Variants in ERC1 observed in about 807,000 individuals in gnomAD.
ERC1 encodes the protein RAB6 interacting protein 2.
Under a neutral mutation model 132.0 loss-of-function variants are expected in ERC1, and 56 were observed. The ratio of observed to expected loss-of-function variants is 0.42; its 90% CI spans 0.34 to 0.53. The LOEUF (loss-of-function observed/expected upper bound fraction) is 0.53. Among genes scored for constraint, ERC1 ranks in the 20% least tolerant of loss-of-function variants. ERC1 has a pLI of 0.03. For missense variants in ERC1, 1,202 were observed against 1,349.9 expected (o/e 0.89, Z 1.72); for synonymous variants, 478 against 476.1 (o/e 1.00, Z -0.05).
intron 18 of ERC1, among the ~76,000 whole-genome samples, chr12:1,451,977 A>C (rs565516442): frequency 6.6e-6 from 1 of 152,362 alleles, no homozygotes; most frequent in Admixed American, 6.5e-5. Flanking sequence ...GGGCAAAGCA[A>C]GAAGGTGGCC....
intron 15 of ERC1, among the ~76,000 whole-genome samples, chr12:1,346,902 A>C (rs1418157138): frequency 6.8e-6 from 1 of 146,682 alleles, no homozygotes; most frequent in African/African-American, 2.6e-5. Flanking sequence ...AGATTGCGCC[A>C]CTGCAGTCCG....
rs536358299 is a variant in ERC1, at chr12:1,370,657, C to CT, written c.2781-1171dup. 3.3e-5 allele frequency among the ~76,000 whole-genome samples: 5 copies of CT among 152,268 alleles called. No individual in the cohort carries two copies. In the East Asian group the frequency reaches 9.6e-4, roughly 29 times the overall value. On this transcript the variant is annotated intron_variant, in intron 15 of 18. Coordinates refer to ENST00000360905, the MANE Select transcript of ERC1 (RefSeq NM_178040.4). ...AAATTCAACTACAACTATAGGAACTCTTTTTAAAATATAAAATGAAATACT... is the reference window on the plus strand; with the variant it reads ...AAATTCAACTACAACTATAGGAACTCTTTTTTAAAATATAAAATGAAATACT...
chr12:1,035,354 A>C (rs1467903718), intron 2 of ERC1, among the ~76,000 whole-genome samples: 1 of 152,176 alleles, frequency 6.6e-6, no homozygotes, highest in Non-Finnish European at 1.5e-5. Context: ...ATTAGATGTA[A>C]AGACGCATTT....
At chr12:1,294,834 A>G (rs867533907) in intron 15 of ERC1, among the ~76,000 whole-genome samples, 7 of 152,096 alleles carry the variant, frequency 4.6e-5, no homozygotes, top group Middle Eastern at 3.4e-3. Flanking sequence ...TTTTCCTTTC[A>G]GGACCATCTT....
chr12:1,479,996 A>G (rs754633670), intron 18 of ERC1, among the ~76,000 whole-genome samples: 1 of 151,878 alleles, frequency 6.6e-6, no homozygotes, highest in Admixed American at 6.6e-5. Context: ...AGCATGTTCC[A>G]TTTTCTCTAC....
chr12:1,025,079 G>A (rs1966843105), intron 1 of ERC1, among the ~76,000 whole-genome samples: 1 of 152,152 alleles, frequency 6.6e-6, no homozygotes, highest in African/African-American at 2.4e-5. Context: ...GTCTGGGGCA[G>A]TCTTGGATAT....
At chr12:1,394,046 C>CAAAAAAAAAAAAAAAAAAA (rs1555389413) in intron 16 of ERC1, among the ~76,000 whole-genome samples, 2 of 70,808 alleles carry the variant, frequency 2.8e-5, no homozygotes, top group African/African-American at 1.0e-4. Flanking sequence ...AAAAAAAAAC[C>CAAAAAAAAAAAAAAAAAAA]ACAAAGCATT....
chr12:1,025,256 G>A (rs932706160), intron 1 of ERC1, among the ~76,000 whole-genome samples: 3 of 152,082 alleles, frequency 2.0e-5, no homozygotes, highest in African/African-American at 7.2e-5. Flanking sequence ...TCTAAGTTGA[G>A]CTAAAGCCTC....
intron 8 of ERC1, among the ~76,000 whole-genome samples, chr12:1,144,436 T>G (rs1373138454): frequency 1.3e-5 from 2 of 152,028 alleles, no homozygotes; most frequent in African/African-American, 4.8e-5. Flanking sequence ...CAAAGTTCAC[T>G]GTATCTTTCT....
rs376012959 is a variant in ERC1, at chr12:1,477,463, GAAC to G, written c.3214-12625_3214-12623del. ...CACGTGTGAGACTGAGCAGAAAGAA[GAAC>G]AACACCAGGACAGGGAAGAAATGTT... On this transcript the variant is annotated intron_variant, in intron 18 of 18. Coordinates refer to ENST00000360905, the MANE Select transcript of ERC1 (RefSeq NM_178040.4). 2.2e-3 allele frequency among the ~76,000 whole-genome samples: 336 copies of G among 152,264 alleles called. 16 individuals are homozygous for G. In the South Asian group the frequency reaches 0.067, roughly 30 times the overall value.
intron 2 of ERC1, among the ~76,000 whole-genome samples, chr12:1,041,436 A>G (rs2154160202): frequency 6.6e-6 from 1 of 152,180 alleles, no homozygotes; most frequent in South Asian, 2.1e-4. Context: ...GGAACTCCTG[A>G]CCTCAGGTGA....
intron 7 of ERC1, chr12:1,116,264 T>C (rs4131839): frequency 0.31 from 115,778 of 373,202 alleles, 19,510 homozygotes; most frequent in African/African-American, 0.44. Flanking sequence ...TTTAAACTTT[T>C]GCCAAGTCTG....
chr12:1,155,141 C>T (rs377608933), intron 8 of ERC1, among the ~76,000 whole-genome samples: 12 of 152,098 alleles, frequency 7.9e-5, no homozygotes, highest in South Asian at 6.2e-4. Flanking sequence ...ACATGGCCAA[C>T]GTGGCGAAAC....
In ERC1 at chr12:1,341,056, T is replaced by C. The variant is rs531217220; in HGVS notation, c.2781-30777T>C. Among the ~76,000 whole-genome samples the C allele has an allele frequency of 4.2e-5, 6 of 143,626 alleles. No individual in the cohort carries two copies. The East Asian group carries it at 8.3e-4, about 20-fold the overall frequency. The allele number at this position is 143,626 out of a possible 152,430, so 94.2% of individuals were successfully genotyped here. A position where few individuals can be genotyped will look rare whatever the true frequency, so the allele number is the denominator to read the frequency against. On this transcript the variant is annotated intron_variant, in intron 15 of 18. Coordinates refer to ENST00000360905, the MANE Select transcript of ERC1 (RefSeq NM_178040.4). ...CTATTTTTCCTTGAATGTCCACTTA[T>C]TCTTTTCTTTTTCTTTTTTTTTTTT...
chr12:1,104,673 A>C, intron 3 of ERC1, 77 bp from the exon 4 acceptor site: 1 of 980,078 alleles, frequency 1.0e-6, no homozygotes, highest in Non-Finnish European at 1.7e-6. Context: ...TTTTGCATAC[A>C]TCGGCTCTCA....
At chr12:1,420,806 AC>A (rs1266529608) in intron 17 of ERC1, among the ~76,000 whole-genome samples, 1 of 151,824 alleles carries the variant, frequency 6.6e-6, no homozygotes, top group East Asian at 1.9e-4. Context: ...GGAACTCTTT[AC>A]AAAATGAGTG....
intron 16 of ERC1, among the ~76,000 whole-genome samples, chr12:1,402,250 G>T (rs1415881968): frequency 1.3e-5 from 2 of 152,158 alleles, no homozygotes; most frequent in Non-Finnish European, 1.5e-5. Flanking sequence ...AAATGAAAAG[G>T]CTGGGCACGG....
intron 13 of ERC1, among the ~76,000 whole-genome samples, chr12:1,259,732 T>G (rs923591908): frequency 6.6e-6 from 1 of 151,822 alleles, no homozygotes; most frequent in African/African-American, 2.4e-5. Flanking sequence ...ACCATGTTGG[T>G]CAGGCTGGTC....
chr12:1,361,172 G>A (rs1178024057), intron 15 of ERC1, among the ~76,000 whole-genome samples: 1 of 145,482 alleles, frequency 6.9e-6, no homozygotes, highest in Non-Finnish European at 1.5e-5. Flanking sequence ...CGAAACTGAG[G>A]ATATGCTATT....
Sources: allele counts gnomAD v4.1 joint callset (sites outside exome capture counted in the v4.1 genomes callset), GRCh38; gene constraint gnomAD v4.1.1; transcripts MANE v1.5; gene names NCBI Gene and HGNC (gene_info 2026-07-23, HGNC 2026-07-21).